Variants in RPSA2 observed in about 807,000 individuals in gnomAD.
RPSA2 encodes ribosomal protein SA 2.
the RPSA2 span, among the ~76,000 whole-genome samples, chr19:23,790,423 C>T: frequency 6.6e-6 from 1 of 152,068 alleles, no homozygotes; most frequent in Non-Finnish European, 1.5e-5. Context: ...GGGCCTGGCT[C>T]AGTTCAGGGA....
chr19:23,786,307 G>T, the RPSA2 span, among the ~76,000 whole-genome samples: 1 of 152,188 alleles, frequency 6.6e-6, no homozygotes. Context: ...ATTTATTACT[G>T]GACCTTCCTG....
At chr19:23,866,419 A>G in the RPSA2 span, among the ~76,000 whole-genome samples, 14 of 152,278 alleles carry the variant, frequency 9.2e-5, no homozygotes, top group South Asian at 2.7e-3. Flanking sequence ...ATCAAACCCT[A>G]AAGTGGGAGA....
At chr19:23,846,820 T>C in the RPSA2 span, among the ~76,000 whole-genome samples, 1 of 152,224 alleles carries the variant, frequency 6.6e-6, no homozygotes, top group East Asian at 1.9e-4. Context: ...TTAGATACTA[T>C]GATTATTATG....
the RPSA2 span, among the ~76,000 whole-genome samples, chr19:23,801,066 A>G: frequency 6.6e-6 from 1 of 152,098 alleles, no homozygotes; most frequent in Non-Finnish European, 1.5e-5. Context: ...AGACATGAGA[A>G]TCTCCACTTC....
chr19:23,848,507 CT>C, the RPSA2 span, among the ~76,000 whole-genome samples: 1 of 113,344 alleles, frequency 8.8e-6, no homozygotes, highest in East Asian at 2.7e-4. Context: ...TAATGTATAA[CT>C]CCAGGCACAA....
At chr19:23,814,947 G>A in the RPSA2 span, among the ~76,000 whole-genome samples, 3 of 152,178 alleles carry the variant, frequency 2.0e-5, no homozygotes, top group Non-Finnish European at 2.9e-5. Context: ...CCAGGTTCAA[G>A]TGATCTTTCC....
the RPSA2 span, among the ~76,000 whole-genome samples, chr19:23,866,086 C>T: frequency 6.6e-6 from 1 of 152,148 alleles, no homozygotes; most frequent in Non-Finnish European, 1.5e-5. Context: ...AGCTGTGGCC[C>T]CTTTTCAGAT....
chr19:23,772,157 C>T, the RPSA2 span, among the ~76,000 whole-genome samples: 5 of 152,184 alleles, frequency 3.3e-5, no homozygotes, highest in Non-Finnish European at 5.9e-5. Context: ...TTGCCTGCAC[C>T]CTGCCCTGCA....
At chr19:23,771,996 T>C in the RPSA2 span, among the ~76,000 whole-genome samples, 1 of 152,150 alleles carries the variant, frequency 6.6e-6, no homozygotes, top group African/African-American at 2.4e-5. Flanking sequence ...GTGATATGAT[T>C]CACCTGTTTT....
the RPSA2 span, among the ~76,000 whole-genome samples, chr19:23,860,959 A>G: frequency 6.6e-6 from 1 of 152,184 alleles, no homozygotes; most frequent in Non-Finnish European, 1.5e-5. Context: ...AAACACACTC[A>G]AAGGAGACAG....
the RPSA2 span, among the ~76,000 whole-genome samples, chr19:23,805,422 C>T: frequency 6.6e-6 from 1 of 152,046 alleles, no homozygotes. Flanking sequence ...CCTCAGCCTC[C>T]CAAAGTGCAG....
At chr19:23,857,166 G>T in the RPSA2 span, among the ~76,000 whole-genome samples, 3 of 152,122 alleles carry the variant, frequency 2.0e-5, no homozygotes, top group Non-Finnish European at 4.4e-5. Context: ...GCTAGGAAAA[G>T]AATTTAGCGA....
the RPSA2 span, among the ~76,000 whole-genome samples, chr19:23,776,075 T>C: frequency 6.6e-6 from 1 of 152,178 alleles, no homozygotes; most frequent in Non-Finnish European, 1.5e-5. Flanking sequence ...AAAGACATTG[T>C]AGTATATCTC....
chr19:23,826,893 T>G, the RPSA2 span, among the ~76,000 whole-genome samples: 1 of 424 alleles, frequency 2.4e-3, no homozygotes, highest in Non-Finnish European at 0.014. Flanking sequence ...GGTTCACCAT[T>G]GTTGGTCTGG....
the RPSA2 span, among the ~76,000 whole-genome samples, chr19:23,808,530 T>G: frequency 6.6e-6 from 1 of 152,120 alleles, no homozygotes; most frequent in African/African-American, 2.4e-5. Flanking sequence ...TTGCTGAGAT[T>G]ACAGGCGTGA....
At chr19:23,846,186 AC>A in the RPSA2 span, among the ~76,000 whole-genome samples, 1 of 151,924 alleles carries the variant, frequency 6.6e-6, no homozygotes, top group Admixed American at 6.6e-5. Flanking sequence ...TACCCCCTTT[AC>A]TTTTAGTTTA....
chr19:23,761,933 T>TCCTTCCTTCCTTCCTTCCTTCC, the RPSA2 span, among the ~76,000 whole-genome samples: 1 of 41,910 alleles, frequency 2.4e-5, no homozygotes, highest in African/African-American at 6.9e-5. Flanking sequence ...TTTTTTTTTT[T>TCCTTCCTTCCTTCCTTCCTTCC]TTGAGATGGA....
chr19:23,790,675 G>T, the RPSA2 span: 1 of 386,876 alleles, frequency 2.6e-6, no homozygotes. Flanking sequence ...TCACTGCTCT[G>T]TGTCCTCTGA....
the RPSA2 span, among the ~76,000 whole-genome samples, chr19:23,864,922 A>C: frequency 1.3e-5 from 2 of 152,162 alleles, no homozygotes. Flanking sequence ...ATAAATGTGA[A>C]GGGCTCTAGA....
Sources: allele counts gnomAD v4.1 joint callset (sites outside exome capture counted in the v4.1 genomes callset), GRCh38; gene constraint gnomAD v4.1.1; transcripts MANE v1.5; gene names NCBI Gene and HGNC (gene_info 2026-07-23, HGNC 2026-07-21).